Variants in ORC3 observed in about 807,000 individuals in gnomAD.
ORC3 encodes the protein origin recognition complex subunit 3.
ORC3 carries 78 observed loss-of-function variants against 100.7 expected under a neutral mutation model. The observed-to-expected ratio is 0.77, with a 90% confidence interval of 0.65 to 0.94. The LOEUF (loss-of-function observed/expected upper bound fraction) is 0.94. ORC3 is among the 40% of genes least tolerant of loss of function. The pLI is 0.00. For missense variants in ORC3, 789 were observed against 823.9 expected (o/e 0.96, Z 0.52); for synonymous variants, 295 against 289.3 (o/e 1.02, Z -0.20).
chr6:87,669,958 T>G (rs1490437661), downstream of ORC3, among the ~76,000 whole-genome samples: 1 of 152,218 alleles, frequency 6.6e-6, no homozygotes, highest in Admixed American at 6.5e-5. Flanking sequence ...AGCAAGATGC[T>G]TTTTACACTG....
intron 7 of ORC3, 52 bp downstream of exon 7, chr6:87,609,281 A>T: frequency 4.0e-6 from 5 of 1,245,532 alleles, no homozygotes; most frequent in Non-Finnish European, 5.5e-6. Flanking sequence ...TTAAGAAAAT[A>T]CTACTTTTAA....
chr6:87,606,735 G>A (rs1188752687), intron 5 of ORC3, among the ~76,000 whole-genome samples: 1 of 152,048 alleles, frequency 6.6e-6, no homozygotes, highest in East Asian at 1.9e-4. Flanking sequence ...GTTGTTGTTT[G>A]TAGAGATTGG....
intron 9 of ORC3, among the ~76,000 whole-genome samples, chr6:87,618,080 C>T (rs1432844170): frequency 2.0e-5 from 3 of 152,140 alleles, no homozygotes; most frequent in Non-Finnish European, 4.4e-5. Flanking sequence ...CTATTGTCAA[C>T]CAAGCACTAT....
intron 9 of ORC3, among the ~76,000 whole-genome samples, chr6:87,618,357 G>A (rs1008932203): frequency 1.8e-4 from 28 of 151,576 alleles, no homozygotes; most frequent in Admixed American, 1.7e-3. Context: ...TGTAGTGAGC[G>A]AGTGAGCGGA....
At chr6:87,608,450 A>G (rs114581702) in intron 6 of ORC3, among the ~76,000 whole-genome samples, 261 of 152,308 alleles carry the variant, frequency 1.7e-3, no homozygotes, top group African/African-American at 6.0e-3. Flanking sequence ...GCCAGACAGT[A>G]TGGGAAAAAA....
chr6:87,594,510 T>G (rs751280789), intron 2 of ORC3, 103 bp downstream of exon 2: 368 of 1,400,652 alleles, frequency 2.6e-4, no homozygotes, highest in Admixed American at 3.3e-4. Flanking sequence ...CTTGGCTTAC[T>G]TGCCATGTTG....
chr6:87,602,976 TA>T (rs1778071690), intron 3 of ORC3, among the ~76,000 whole-genome samples: 1 of 135,310 alleles, frequency 7.4e-6, no homozygotes, highest in Non-Finnish European at 1.6e-5. Flanking sequence ...TATATACATA[TA>T]TATATACAAT....
chr6:87,670,291 A>C (rs1770806774), downstream of ORC3, among the ~76,000 whole-genome samples: 1 of 152,062 alleles, frequency 6.6e-6, no homozygotes, highest in African/African-American at 2.4e-5. Flanking sequence ...TCGGCCTCCC[A>C]AGTAGCTGGG....
At chr6:87,622,449 A>G (rs1187981701) in intron 11 of ORC3, among the ~76,000 whole-genome samples, 3 of 152,310 alleles carry the variant, frequency 2.0e-5, no homozygotes, top group Non-Finnish European at 4.4e-5. Flanking sequence ...AAATATCATT[A>G]TATATTGATA....
intron 16 of ORC3, 55 bp downstream of exon 16, chr6:87,658,073 C>T (rs1204069894): frequency 3.2e-6 from 3 of 923,894 alleles, no homozygotes; most frequent in African/African-American, 3.2e-5. Flanking sequence ...TTCCAAATAA[C>T]ACTGGTGTCA....
chr6:87,648,888 T>A (rs1411817310), intron 13 of ORC3, among the ~76,000 whole-genome samples: 1 of 152,240 alleles, frequency 6.6e-6, no homozygotes, highest in East Asian at 1.9e-4. Context: ...CAGTGGTAAG[T>A]CTGTGTATTT....
At chr6:87,627,907 A>G (rs1402503563) in intron 11 of ORC3, among the ~76,000 whole-genome samples, 1 of 152,170 alleles carries the variant, frequency 6.6e-6, no homozygotes, top group African/African-American at 2.4e-5. Flanking sequence ...TTAAGCTAGA[A>G]CTAATCTATT....
In ORC3 at chr6:87,601,884, G is replaced by C. The variant is rs1184456761; in HGVS notation, c.177+3G>C. On this transcript the variant is annotated splice_donor_region_variant and intron_variant, in intron 3 of 19. Transcript: ENST00000392844. ...AGCAGATGAAATCTGAAAATGAGGT[G>C]AATACTTTTTTTAATAATTTTCTGT... is the stretch of plus-strand genomic sequence containing the variant. 5.8e-6 allele frequency: 9 copies of C among 1,553,362 alleles called. No homozygotes were observed. Among genetic ancestry groups the C allele is most frequent in the Non-Finnish European group, 8.0e-6 (9 of 1,125,578 alleles).
At chr6:87,618,905 GGTT>G (rs764915228) in intron 9 of ORC3, among the ~76,000 whole-genome samples, 1 of 152,130 alleles carries the variant, frequency 6.6e-6, no homozygotes, top group Non-Finnish European at 1.5e-5. Context: ...CAAAGAGCAA[GGTT>G]GTTGTGAGAA....
intron 13 of ORC3, chr6:87,651,368 C>T: frequency 2.2e-6 from 1 of 451,778 alleles, no homozygotes; most frequent in East Asian, 7.0e-5. Flanking sequence ...AAATGCTAAT[C>T]TTGTCTATTT....
intron 11 of ORC3, among the ~76,000 whole-genome samples, chr6:87,627,145 C>G (rs1779968605): frequency 6.7e-6 from 1 of 149,652 alleles, no homozygotes; most frequent in South Asian, 2.1e-4. Context: ...TTACAGGTGC[C>G]TACCACCACA....
intron 2 of ORC3, among the ~76,000 whole-genome samples, chr6:87,597,710 CATAT>C (rs1208375189): frequency 1.4e-5 from 2 of 140,610 alleles, no homozygotes; most frequent in African/African-American, 5.4e-5. Flanking sequence ...CACACACACA[CATAT>C]ATATATAATT....
the ORC3 span, among the ~76,000 whole-genome samples, chr6:87,673,685 A>G: frequency 8.5e-5 from 13 of 152,144 alleles, no homozygotes; most frequent in Admixed American, 7.9e-4. Context: ...TACTAAAAAT[A>G]CAAAAATTAG....
At chr6:87,675,435 T>G in the ORC3 span, 1 of 952,350 alleles carries the variant, frequency 1.1e-6, no homozygotes, top group Non-Finnish European at 1.6e-6. Context: ...CAGGGAAATT[T>G]CCAAAACCAG....
Sources: gnomAD v4.1 joint callset for allele counts (sites outside exome capture counted in the v4.1 genomes callset) on GRCh38, gnomAD v4.1.1 for gene constraint, MANE v1.5 for transcripts, NCBI Gene and HGNC (gene_info 2026-07-23, HGNC 2026-07-21) for gene names.